DHX57: variants seen among roughly 807,000 people sequenced by gnomAD.
The protein encoded by DHX57 is DExH-box helicase 57.
In DHX57, 105 loss-of-function variants were observed where a neutral mutation model predicts 156.2. That is an observed-to-expected ratio of 0.67 (90% confidence interval 0.57 to 0.79). The LOEUF (loss-of-function observed/expected upper bound fraction) is 0.79. DHX57 is among the 30% of genes least tolerant of loss of function. The pLI is 0.00. For synonymous variants in DHX57, 704 were observed against 595.6 expected (o/e 1.18, Z -2.65); for missense variants, 1,847 against 1,661.9 (o/e 1.11, Z -1.94).
intron 9 of DHX57, among the ~76,000 whole-genome samples, chr2:38,848,817 CA>C (rs1233731044): frequency 6.6e-6 from 1 of 152,100 alleles, no homozygotes; most frequent in East Asian, 1.9e-4. Flanking sequence ...CATCGGAGAG[CA>C]AAGGTGTCAG....
At chr2:38,871,959 C>T (rs981906689) in intron 1 of DHX57, among the ~76,000 whole-genome samples, 6 of 152,214 alleles carry the variant, frequency 3.9e-5, no homozygotes, top group South Asian at 4.2e-4. Flanking sequence ...CCGCCTGCCT[C>T]GGCCTCCCAA....
intron 2 of DHX57, among the ~76,000 whole-genome samples, chr2:38,867,706 C>T (rs1665150312): frequency 6.6e-6 from 1 of 152,062 alleles, no homozygotes; most frequent in Non-Finnish European, 1.5e-5. Context: ...TTACAGGTGA[C>T]TGCCACCATG....
intron 10 of DHX57, among the ~76,000 whole-genome samples, 164 bp from the exon 11 acceptor site, chr2:38,847,237 A>G (rs1672336489): frequency 6.6e-6 from 1 of 152,216 alleles, no homozygotes; most frequent in Non-Finnish European, 1.5e-5. Context: ...CAGAAATTGG[A>G]AAGGGCAGAT....
chr2:38,845,679 G>A (rs534342872), intron 11 of DHX57, among the ~76,000 whole-genome samples: 15 of 151,966 alleles, frequency 9.9e-5, no homozygotes, highest in African/African-American at 1.5e-4. Flanking sequence ...AAAATCTTGC[G>A]GAATCCTCAA....
At chr2:38,853,450 A>G (rs1047915414) in intron 9 of DHX57, 1 of 152,080 alleles carries the variant, frequency 6.6e-6, no homozygotes, top group Admixed American at 6.6e-5. Flanking sequence ...TTAAATTGTC[A>G]TCTTACAGAG....
At chr2:38,816,754 G>C (rs1670565629) in intron 19 of DHX57, among the ~76,000 whole-genome samples, 1 of 152,142 alleles carries the variant, frequency 6.6e-6, no homozygotes, top group African/African-American at 2.4e-5. Context: ...ATAATTAGGA[G>C]TTAAATATAC....
chr2:38,874,401 ATTTTTTTT>A (rs60727396), intron 1 of DHX57, among the ~76,000 whole-genome samples: 8 of 75,460 alleles, frequency 1.1e-4, no homozygotes, highest in African/African-American at 1.1e-4. Flanking sequence ...GAAATACTGT[ATTTTTTTT>A]TTTTTTTTTT....
intron 15 of DHX57, 135 bp from the exon 16 acceptor site, chr2:38,826,182 G>T: frequency 1.0e-6 from 1 of 953,440 alleles, no homozygotes; most frequent in Non-Finnish European, 1.5e-6. Flanking sequence ...GGATAGTTGA[G>T]CCCCTGGTAG....
At chr2:38,864,470 G>A (rs931000452) in intron 2 of DHX57, among the ~76,000 whole-genome samples, 3 of 152,062 alleles carry the variant, frequency 2.0e-5, no homozygotes, top group Admixed American at 6.6e-5. Context: ...TTAAACATGA[G>A]GGGGAGTTGG....
intron 5 of DHX57, among the ~76,000 whole-genome samples, chr2:38,859,644 C>G (rs1053395406): frequency 8.5e-5 from 13 of 152,126 alleles, no homozygotes; most frequent in African/African-American, 2.9e-4. Context: ...AAGCTGCCAT[C>G]TGGGAGTGGG....
At chr2:38,831,157 G>GA (rs1481034226) in intron 13 of DHX57, among the ~76,000 whole-genome samples, 1 of 151,732 alleles carries the variant, frequency 6.6e-6, no homozygotes, top group Non-Finnish European at 1.5e-5. Flanking sequence ...AAACAACGAT[G>GA]AAACATACTA....
At chr2:38,836,633 G>C (rs1026064387) in intron 13 of DHX57, among the ~76,000 whole-genome samples, 1 of 151,986 alleles carries the variant, frequency 6.6e-6, no homozygotes, top group Non-Finnish European at 1.5e-5. Context: ...AATTAGCCAG[G>C]CGTGGAGGTG....
chr2:38,816,598 C>A (rs1444316058), intron 19 of DHX57, among the ~76,000 whole-genome samples: 1 of 152,136 alleles, frequency 6.6e-6, no homozygotes, highest in Non-Finnish European at 1.5e-5. Context: ...CTTGTGGCTA[C>A]TGTTCTCACA....
In DHX57 at chr2:38,868,268, T is replaced by TCCA. The variant is rs199521315; in HGVS notation, c.135_137dup (p.Gly49dup). The TCCA allele has an allele frequency of 1.1e-4, 182 of 1,610,880 alleles. No individual in the cohort carries two copies. The highest frequency in any genetic ancestry group is 1.5e-4 in the Non-Finnish European group (171 of 1,177,942). On this transcript the variant is annotated inframe_insertion, in exon 2 of 24. Transcript: ENST00000457308. ...TGGAGGCCTTTCTGTTGCCGCCACCTCCACCACCACCACCACCGCCACCGC... is the reference window on the plus strand; with the variant it reads ...TGGAGGCCTTTCTGTTGCCGCCACCTCCACCACCACCACCACCACCGCCACCGC...
intron 9 of DHX57, among the ~76,000 whole-genome samples, chr2:38,852,049 A>C (rs776816815): frequency 3.3e-5 from 5 of 151,612 alleles, no homozygotes; most frequent in Non-Finnish European, 7.4e-5. Context: ...TCTAGGAATT[A>C]TTTCTTTTTC....
intron 13 of DHX57, among the ~76,000 whole-genome samples, chr2:38,829,707 C>T (rs1671285847): frequency 2.0e-5 from 3 of 152,146 alleles, no homozygotes; most frequent in African/African-American, 7.2e-5. Flanking sequence ...GCATGCACCA[C>T]CACACCTGAC....
At chr2:38,829,658 A>T (rs139760502) in intron 13 of DHX57, among the ~76,000 whole-genome samples, 1 of 152,220 alleles carries the variant, frequency 6.6e-6, no homozygotes, top group African/African-American at 2.4e-5. Context: ...AGCCCAAGCA[A>T]TCTTTCTGCT....
Position 38,848,406 on chromosome 2 carries a change from G to C in DHX57, c.2031-4C>G. The C allele has an allele frequency of 1.3e-6, 2 of 1,580,540 alleles. No individual in the cohort carries two copies. Among genetic ancestry groups the C allele is most frequent in the East Asian group, 4.5e-5 (2 of 44,498 alleles). On this transcript the variant is annotated splice_polypyrimidine_tract_variant and splice_region_variant and intron_variant, in intron 9 of 23. Transcript: ENST00000457308. ...CAAAACTAGCAGCAAGAAGTCACTAGAGAAAATAAAAGAAACACCTGAGGA... is the reference window on the plus strand; with the variant it reads ...CAAAACTAGCAGCAAGAAGTCACTACAGAAAATAAAAGAAACACCTGAGGA...
chr2:38,832,855 T>C (rs1671453747), intron 13 of DHX57, among the ~76,000 whole-genome samples: 1 of 152,110 alleles, frequency 6.6e-6, no homozygotes, highest in African/African-American at 2.4e-5. Context: ...AGTAATTTTT[T>C]GATCTATTAT....
Sources: gnomAD v4.1 joint callset for allele counts (sites outside exome capture counted in the v4.1 genomes callset) on GRCh38, gnomAD v4.1.1 for gene constraint, MANE v1.5 for transcripts, NCBI Gene and HGNC (gene_info 2026-07-23, HGNC 2026-07-21) for gene names.